ZNF618: variants seen among roughly 807,000 people sequenced by gnomAD.
The protein encoded by ZNF618 is zinc finger protein 618.
In ZNF618, 34 loss-of-function variants were observed where a neutral mutation model predicts 103.0. The ratio of observed to expected loss-of-function variants is 0.33; its 90% CI spans 0.25 to 0.44. The LOEUF (loss-of-function observed/expected upper bound fraction) is 0.44. Among genes scored for constraint, ZNF618 ranks in the 20% least tolerant of loss-of-function variants. The pLI is 1.00. For missense variants in ZNF618, 1,059 were observed against 1,295.4 expected (o/e 0.82, Z 2.80); for synonymous variants, 551 against 542.2 (o/e 1.02, Z -0.23).
intron 1 of ZNF618, among the ~76,000 whole-genome samples, chr9:113,965,770 C>G (rs1378611054): frequency 6.6e-6 from 1 of 152,160 alleles, no homozygotes; most frequent in African/African-American, 2.4e-5. Flanking sequence ...CCTTAAGGAG[C>G]ACACAGTCCA....
chr9:114,048,650 G>C lies in ZNF618; in HGVS notation c.1349-1G>C. 6.2e-7 allele frequency: 1 copy of C among 1,606,532 alleles called. No individual in the cohort carries two copies. Among genetic ancestry groups the C allele is most frequent in the Non-Finnish European group, 8.5e-7 (1 of 1,174,702 alleles). ...CCATCTGTCTTTGTGTCCTCTGCCA[G>C]CCACTACCAGTGGTTTAACACCCAA... On this transcript the variant is annotated splice_acceptor_variant, in intron 14 of 14. Coordinates refer to ENST00000374126, the MANE Select transcript of ZNF618 (RefSeq NM_001318042.2). LOFTEE classifies it high-confidence loss of function.
intron 12 of ZNF618, chr9:114,035,094 C>A: frequency 1.1e-6 from 1 of 871,572 alleles, no homozygotes; most frequent in Non-Finnish European, 1.4e-6. Flanking sequence ...CCTCTGAAAG[C>A]CCCATCTGGC....
intron 9 of ZNF618, among the ~76,000 whole-genome samples, chr9:114,016,460 C>A (rs1023026911): frequency 6.6e-6 from 1 of 152,138 alleles, no homozygotes; most frequent in Admixed American, 6.5e-5. Flanking sequence ...TTATGACCTC[C>A]GTTTTATAGA....
intron 1 of ZNF618, among the ~76,000 whole-genome samples, chr9:113,956,705 T>G (rs1836338518): frequency 6.6e-6 from 1 of 152,178 alleles, no homozygotes; most frequent in Non-Finnish European, 1.5e-5. Flanking sequence ...TGTCCTGTGG[T>G]CAGGGAAGGC....
chr9:113,921,230 C>T (rs1235193494), intron 1 of ZNF618, among the ~76,000 whole-genome samples: 1 of 152,204 alleles, frequency 6.6e-6, no homozygotes, highest in Non-Finnish European at 1.5e-5. Context: ...AATTATCTCG[C>T]CTTTCTGGTC....
intron 9 of ZNF618, among the ~76,000 whole-genome samples, chr9:114,015,798 T>G (rs926091260): frequency 2.6e-5 from 4 of 152,214 alleles, no homozygotes; most frequent in Non-Finnish European, 4.4e-5. Flanking sequence ...GTGGGAACCA[T>G]GCAGCCAATA....
At chr9:113,944,841 G>C (rs551796178) in intron 1 of ZNF618, among the ~76,000 whole-genome samples, 1 of 151,972 alleles carries the variant, frequency 6.6e-6, no homozygotes, top group Non-Finnish European at 1.5e-5. Flanking sequence ...TGTTTTCCTC[G>C]TGACAGCCCA....
At chr9:113,942,310 G>A (rs1325424704) in intron 1 of ZNF618, among the ~76,000 whole-genome samples, 1 of 151,220 alleles carries the variant, frequency 6.6e-6, no homozygotes, top group Non-Finnish European at 1.5e-5. Context: ...TCTCACTCCT[G>A]AATCTCAAGT....
intron 7 of ZNF618, 133 bp downstream of exon 7, chr9:114,007,572 G>A (rs1792910685): frequency 1.3e-6 from 1 of 762,890 alleles, no homozygotes; most frequent in African/African-American, 1.8e-5. Context: ...GAACCATGAG[G>A]GGAATGACCA....
intron 1 of ZNF618, among the ~76,000 whole-genome samples, chr9:113,912,564 C>T (rs1028428174): frequency 2.6e-5 from 4 of 152,312 alleles, no homozygotes; most frequent in Admixed American, 6.5e-5. Flanking sequence ...TAAGTCGGGA[C>T]TGCCTAATTA....
intron 2 of ZNF618, among the ~76,000 whole-genome samples, chr9:113,971,545 C>G (rs563690864): frequency 6.6e-6 from 1 of 152,142 alleles, no homozygotes; most frequent in South Asian, 2.1e-4. Context: ...AGGCACTGTT[C>G]GAAGTACTTC....
At chr9:113,993,800 T>C (rs1012305097) in intron 3 of ZNF618, among the ~76,000 whole-genome samples, 3 of 152,210 alleles carry the variant, frequency 2.0e-5, no homozygotes, top group Non-Finnish European at 4.4e-5. Flanking sequence ...TAATGGAATC[T>C]AAATATTCAC....
intron 3 of ZNF618, among the ~76,000 whole-genome samples, chr9:113,992,356 A>T (rs1840155396): frequency 6.6e-6 from 1 of 152,138 alleles, no homozygotes; most frequent in South Asian, 2.1e-4. Context: ...CTTTCGTGTT[A>T]TGAAGGGCCT....
At chr9:113,984,692 G>A (rs1326878570) in intron 2 of ZNF618, among the ~76,000 whole-genome samples, 7 of 152,190 alleles carry the variant, frequency 4.6e-5, no homozygotes, top group South Asian at 4.1e-4. Flanking sequence ...GTTCTGGGCC[G>A]GGGGCCCCAT....
At chr9:113,971,714 ATC>A (rs777002112) in intron 2 of ZNF618, among the ~76,000 whole-genome samples, 116 of 152,142 alleles carry the variant, frequency 7.6e-4, no homozygotes, top group Non-Finnish European at 1.4e-3. Context: ...GGCTGCCTGA[ATC>A]TCTGAATTGA....
intron 1 of ZNF618, among the ~76,000 whole-genome samples, chr9:113,919,059 C>T (rs1380348176): frequency 2.0e-5 from 3 of 152,182 alleles, no homozygotes; most frequent in Non-Finnish European, 4.4e-5. Flanking sequence ...CCCTCATCTC[C>T]TCACGTTTTG....
chr9:113,930,453 AT>A (rs369079365), intron 1 of ZNF618, among the ~76,000 whole-genome samples: 2 of 151,436 alleles, frequency 1.3e-5, no homozygotes, highest in Non-Finnish European at 1.5e-5. Flanking sequence ...GGGGGCGCCT[AT>A]TTTTTTTTAA....
At chr9:114,045,429 A>G (rs1845570935) in intron 13 of ZNF618, among the ~76,000 whole-genome samples, 1 of 151,868 alleles carries the variant, frequency 6.6e-6, no homozygotes, top group Non-Finnish European at 1.5e-5. Flanking sequence ...TCATTCTTTT[A>G]CATGTGGGTA....
intron 1 of ZNF618, among the ~76,000 whole-genome samples, chr9:113,960,572 C>G (rs1317124435): frequency 1.3e-5 from 2 of 152,202 alleles, no homozygotes; most frequent in Non-Finnish European, 2.9e-5. Context: ...TGTTTTAACA[C>G]TGGACCTCAG....
Sources: allele counts gnomAD v4.1 joint callset (sites outside exome capture counted in the v4.1 genomes callset), GRCh38; gene constraint gnomAD v4.1.1; transcripts MANE v1.5; gene names NCBI Gene and HGNC (gene_info 2026-07-23, HGNC 2026-07-21).